The following CAMK2D variants were observed in gnomAD, a reference collection of about 807,000 sequenced individuals.
CAMK2D encodes calcium/calmodulin dependent protein kinase II delta, also known as calcium/calmodulin-dependent protein kinase type II subunit delta.
CAMK2D carries 37 observed loss-of-function variants against 84.0 expected under a neutral mutation model. The observed-to-expected ratio is 0.44, with a 90% confidence interval of 0.34 to 0.58. The LOEUF (loss-of-function observed/expected upper bound fraction) is 0.58. CAMK2D is among the 20% of genes least tolerant of loss of function. CAMK2D has a pLI of 0.02. For synonymous variants in CAMK2D, 202 were observed against 212.5 expected (o/e 0.95, Z 0.43); for missense variants, 448 against 652.5 (o/e 0.69, Z 3.41).
At chr4:113,489,401 TG>T (rs1366204444) in intron 16 of CAMK2D, among the ~76,000 whole-genome samples, 6 of 146,118 alleles carry the variant, frequency 4.1e-5, no homozygotes, top group Non-Finnish European at 7.5e-5. Flanking sequence ...TTGGTTTTTT[TG>T]TTCTTGCGAT....
At chr4:113,644,834 A>T (rs917707015) in intron 3 of CAMK2D, among the ~76,000 whole-genome samples, 2 of 152,264 alleles carry the variant, frequency 1.3e-5, no homozygotes, top group South Asian at 2.1e-4. Flanking sequence ...TATTTGTCAG[A>T]TCCAAGAAAA....
chr4:113,634,995 C>T (rs528791210), intron 3 of CAMK2D, among the ~76,000 whole-genome samples: 5 of 152,204 alleles, frequency 3.3e-5, no homozygotes, highest in East Asian at 3.9e-4. Flanking sequence ...CAGAGCAAGG[C>T]GGCAATGTAA....
chr4:113,687,514 A>G (rs1477129266), intron 2 of CAMK2D, among the ~76,000 whole-genome samples: 1 of 152,216 alleles, frequency 6.6e-6, no homozygotes, highest in Non-Finnish European at 1.5e-5. Context: ...AGTGACTGAC[A>G]TGGACCAATG....
At chr4:113,699,329 C>A (rs2099411590) in intron 2 of CAMK2D, among the ~76,000 whole-genome samples, 1 of 148,666 alleles carries the variant, frequency 6.7e-6, no homozygotes, top group Non-Finnish European at 1.5e-5. Context: ...ACTACCAAGG[C>A]TTTACCTTTC....
chr4:113,708,962 T>A (rs1290706355), intron 2 of CAMK2D, among the ~76,000 whole-genome samples: 1 of 152,138 alleles, frequency 6.6e-6, no homozygotes, highest in Non-Finnish European at 1.5e-5. Flanking sequence ...CCTCAAGTGA[T>A]CTACCCACCT....
chr4:113,700,575 C>A (rs975880341), intron 2 of CAMK2D, among the ~76,000 whole-genome samples: 2 of 152,118 alleles, frequency 1.3e-5, no homozygotes, highest in Admixed American at 6.6e-5. Context: ...AATAAAAAAA[C>A]ACTTTCCTCA....
intron 9 of CAMK2D, among the ~76,000 whole-genome samples, chr4:113,516,431 G>C (rs768116964): frequency 2.0e-5 from 3 of 152,084 alleles, no homozygotes; most frequent in Admixed American, 6.5e-5. Flanking sequence ...ATTCCTCTAG[G>C]TATACCAAGC....
chr4:113,555,670 C>T (rs2098659594), intron 4 of CAMK2D, among the ~76,000 whole-genome samples: 3 of 152,176 alleles, frequency 2.0e-5, no homozygotes, highest in Admixed American at 6.5e-5. Context: ...GATTCATCCG[C>T]GTCACCTGCA....
intron 14 of CAMK2D, 52 bp from the exon 15 acceptor site, chr4:113,503,029 C>A: frequency 7.8e-7 from 1 of 1,286,902 alleles, no homozygotes. Flanking sequence ...TAAGTACATT[C>A]TTTCTAGTGT....
chr4:113,661,777 TAAAAA>T lies in CAMK2D; in HGVS notation c.161-10_161-6del. ...CTCTTTCTAGTTTCTGATGATCTGT[TAAAAA>T]AAAAAACAGAATAAGGCAAAAATAA... On this transcript the variant is annotated splice_region_variant and splice_polypyrimidine_tract_variant and intron_variant, in intron 2 of 20. Coordinates refer to ENST00000511664, the MANE Select transcript of CAMK2D (RefSeq NM_001321571.2). The T allele has an allele frequency of 8.3e-7, 1 of 1,210,404 alleles. No homozygotes were observed. The highest frequency in any genetic ancestry group is 1.1e-6 in the Non-Finnish European group (1 of 897,254). 75.0% of individuals were successfully genotyped at this position (1,210,404 alleles called of 1,614,324 possible). A position where few individuals can be genotyped will look rare whatever the true frequency, so the allele number is the denominator to read the frequency against.
chr4:113,525,442 A>G (rs2098409261), intron 8 of CAMK2D, among the ~76,000 whole-genome samples: 1 of 152,206 alleles, frequency 6.6e-6, no homozygotes, highest in South Asian at 2.1e-4. Flanking sequence ...CATACAATTA[A>G]GTCATAAAAA....
At chr4:113,596,358 T>G (rs576395894) in intron 4 of CAMK2D, among the ~76,000 whole-genome samples, 4 of 152,350 alleles carry the variant, frequency 2.6e-5, no homozygotes, top group African/African-American at 9.6e-5. Context: ...GTTAATGTTG[T>G]TATTTTTACC....
At chr4:113,760,974 G>A in intron 1 of CAMK2D, 30 bp downstream of exon 1, 1 of 1,613,984 alleles carries the variant, frequency 6.2e-7, no homozygotes, top group Non-Finnish European at 8.5e-7. Context: ...CTGGAAAGGG[G>A]ATATGCGGAT....
rs548333371 is a variant in CAMK2D at position 113,507,524 on chromosome 4, C to G, written c.984+2114G>C. 3.0e-4 allele frequency among the ~76,000 whole-genome samples: 45 copies of G among 152,198 alleles called. 1 individual carries two copies. The highest frequency in any genetic ancestry group is 1.1e-3 in the African/African-American group (44 of 41,502). On this transcript the variant is annotated intron_variant, in intron 13 of 20. Coordinates refer to ENST00000511664, the MANE Select transcript of CAMK2D (RefSeq NM_001321571.2). Reference sequence around the variant, plus strand: ...TCTCAGGTGATCCGTCTGTCTCAACCTCTCAAACTGCTGGGATTACAGGTG... The same window carrying G: ...TCTCAGGTGATCCGTCTGTCTCAACGTCTCAAACTGCTGGGATTACAGGTG...
intron 2 of CAMK2D, among the ~76,000 whole-genome samples, chr4:113,736,927 C>T (rs772051274): frequency 4.6e-5 from 7 of 151,820 alleles, no homozygotes; most frequent in African/African-American, 1.4e-4. Context: ...ATCCAATATG[C>T]GCATTATGAA....
rs1282339584 is a variant in CAMK2D, at chr4:113,750,078, T to C, written c.160+9242A>G. Among the ~76,000 whole-genome samples the C allele has an allele frequency of 2.6e-5, 4 of 152,156 alleles. No homozygotes were observed. In the East Asian group the frequency reaches 7.7e-4, roughly 29 times the overall value. On this transcript the variant is annotated intron_variant, in intron 2 of 20. Coordinates refer to ENST00000511664, the MANE Select transcript of CAMK2D (RefSeq NM_001321571.2). ...AGACTGAAAGATAAACTAAGAAATG[T>C]CACCAAATGCCTGAAGGCCACAACA...
intron 15 of CAMK2D, among the ~76,000 whole-genome samples, chr4:113,502,303 C>T (rs2154151501): frequency 6.6e-6 from 1 of 151,752 alleles, no homozygotes; most frequent in South Asian, 2.1e-4. Flanking sequence ...TAGTTAAACC[C>T]CTGTTACTGG....
chr4:113,629,040 T>C (rs941953886), intron 3 of CAMK2D, among the ~76,000 whole-genome samples: 1 of 151,508 alleles, frequency 6.6e-6, no homozygotes, highest in Non-Finnish European at 1.5e-5. Flanking sequence ...CAGTAAAATA[T>C]ATATATATAT....
chr4:113,558,997 C>A (rs541973352), intron 4 of CAMK2D, among the ~76,000 whole-genome samples: 7 of 151,888 alleles, frequency 4.6e-5, no homozygotes, highest in Admixed American at 6.6e-5. Context: ...TAAATAAATA[C>A]TAAAATCGAA....
Sources: gnomAD v4.1 joint callset for allele counts (sites outside exome capture counted in the v4.1 genomes callset) on GRCh38, gnomAD v4.1.1 for gene constraint, MANE v1.5 for transcripts, NCBI Gene and HGNC (gene_info 2026-07-23, HGNC 2026-07-21) for gene names.